The following PLEKHG1 variants were observed in gnomAD, a reference collection of about 807,000 sequenced individuals.
PLEKHG1 encodes pleckstrin homology domain-containing family G member 1.
PLEKHG1 carries 44 observed loss-of-function variants against 100.8 expected under a neutral mutation model. The observed-to-expected ratio is 0.44, with a 90% CI of 0.34 to 0.56. PLEKHG1 has a LOEUF of 0.56. PLEKHG1 is among the 20% of genes least tolerant of loss of function. PLEKHG1 has a pLI of 0.01. For synonymous variants in PLEKHG1, 640 were observed against 662.5 expected (o/e 0.97, Z 0.52); for missense variants, 1,545 against 1,720.9 (o/e 0.90, Z 1.81).
chr6:150,752,042 C>T (rs757398878), intron 2 of PLEKHG1, among the ~76,000 whole-genome samples: 3 of 151,970 alleles, frequency 2.0e-5, no homozygotes, highest in South Asian at 2.1e-4. Flanking sequence ...TACAGAAAGC[C>T]GGGCATGGTG....
chr6:150,690,115 T>C (rs1780291645), intron 3 of PLEKHG1, among the ~76,000 whole-genome samples: 1 of 152,226 alleles, frequency 6.6e-6, no homozygotes, highest in African/African-American at 2.4e-5. Flanking sequence ...TGGTGTTTAT[T>C]ACTGAGGGTG....
intron 13 of PLEKHG1, among the ~76,000 whole-genome samples, chr6:150,822,948 C>G (rs1227601430): frequency 6.6e-6 from 1 of 152,024 alleles, no homozygotes; most frequent in Non-Finnish European, 1.5e-5. Context: ...CCACTGCGCT[C>G]CAGCCTGGAT....
intron 3 of PLEKHG1, among the ~76,000 whole-genome samples, chr6:150,713,069 T>G (rs1200001543): frequency 6.6e-6 from 1 of 152,206 alleles, no homozygotes; most frequent in Non-Finnish European, 1.5e-5. Context: ...GCGCCCAGCA[T>G]GGGGCCTGAT....
At chr6:150,630,956 A>G (rs924079770) in intron 1 of PLEKHG1, among the ~76,000 whole-genome samples, 5 of 152,158 alleles carry the variant, frequency 3.3e-5, no homozygotes, top group African/African-American at 9.7e-5. Context: ...AGAGTCGATC[A>G]TTGGATTTTG....
chr6:150,743,451 G>A (rs576521881), intron 2 of PLEKHG1, among the ~76,000 whole-genome samples: 4 of 152,252 alleles, frequency 2.6e-5, no homozygotes, highest in South Asian at 2.1e-4. Flanking sequence ...ACTTGAGCCC[G>A]GGAGGTGGAG....
chr6:150,740,990 CTTA>C (rs1782826914), intron 2 of PLEKHG1, among the ~76,000 whole-genome samples: 1 of 152,092 alleles, frequency 6.6e-6, no homozygotes. Context: ...TTACCTTAAC[CTTA>C]CTCTCGTCTT....
At chr6:150,672,614 G>C (rs555704297) in intron 3 of PLEKHG1, among the ~76,000 whole-genome samples, 1 of 152,280 alleles carries the variant, frequency 6.6e-6, no homozygotes, top group African/African-American at 2.4e-5. Flanking sequence ...AAAATTAGTG[G>C]ATAATTAAAG....
intron 3 of PLEKHG1, among the ~76,000 whole-genome samples, chr6:150,680,773 A>G (rs1024467061): frequency 1.5e-4 from 23 of 152,214 alleles, no homozygotes; most frequent in Admixed American, 1.2e-3. Context: ...GAAGCGGGGA[A>G]GAGACTAGAT....
chr6:150,705,686 G>T (rs1343815503), intron 3 of PLEKHG1, among the ~76,000 whole-genome samples: 1 of 152,204 alleles, frequency 6.6e-6, no homozygotes, highest in Non-Finnish European at 1.5e-5. Context: ...AGGGGAAAAT[G>T]GTTGGTTTTG....
At chr6:150,621,293 CCT>C (rs1257464359) in intron 1 of PLEKHG1, among the ~76,000 whole-genome samples, 1 of 152,096 alleles carries the variant, frequency 6.6e-6, no homozygotes, top group African/African-American at 2.4e-5. Flanking sequence ...AAAGTCACAA[CCT>C]CTCTGAATAT....
intron 5 of PLEKHG1, among the ~76,000 whole-genome samples, chr6:150,798,928 A>T (rs1786529712): frequency 6.6e-6 from 1 of 152,048 alleles, no homozygotes; most frequent in Non-Finnish European, 1.5e-5. Flanking sequence ...TTTAGGAGAG[A>T]GGGGGTTTCA....
intron 13 of PLEKHG1, 43 bp downstream of exon 14, chr6:150,821,276 T>G: frequency 1.5e-6 from 2 of 1,296,890 alleles, no homozygotes; most frequent in Non-Finnish European, 2.2e-6. Flanking sequence ...CTTGTTGATA[T>G]TCACTAAATC....
At chr6:150,701,747 C>G (rs1780800792) in intron 3 of PLEKHG1, among the ~76,000 whole-genome samples, 1 of 151,248 alleles carries the variant, frequency 6.6e-6, no homozygotes, top group Non-Finnish European at 1.5e-5. Context: ...CATGTTGCAA[C>G]TTAAAAAACA....
intron 3 of PLEKHG1, among the ~76,000 whole-genome samples, chr6:150,689,521 T>C (rs572348154): frequency 2.6e-4 from 39 of 152,328 alleles, no homozygotes; most frequent in Middle Eastern, 3.4e-3. Context: ...AAATTTATCC[T>C]GAGATGGACA....
chr6:150,680,503 A>T (rs969562211), intron 3 of PLEKHG1, among the ~76,000 whole-genome samples: 2 of 152,216 alleles, frequency 1.3e-5, no homozygotes, highest in East Asian at 3.8e-4. Flanking sequence ...TCTGGTGCTC[A>T]GAAGTTTGGG....
chr6:150,713,312 A>C (rs1781305630), intron 3 of PLEKHG1, among the ~76,000 whole-genome samples: 1 of 152,138 alleles, frequency 6.6e-6, no homozygotes, highest in African/African-American at 2.4e-5. Flanking sequence ...AAGTCATCTC[A>C]ACTCATTTAG....
intron 6 of PLEKHG1, among the ~76,000 whole-genome samples, chr6:150,804,153 TTTTATATATATA>T (rs1328625667): frequency 3.1e-5 from 1 of 31,794 alleles, no homozygotes; most frequent in African/African-American, 2.1e-4. Context: ...TGTGTAAATA[TTTTATATATATA>T]TATATATATA....
intron 15 of PLEKHG1, among the ~76,000 whole-genome samples, chr6:150,836,605 T>C (rs1033902815): frequency 6.6e-6 from 1 of 151,966 alleles, no homozygotes; most frequent in African/African-American, 2.4e-5. Context: ...TTGCTTGAGC[T>C]CAGGAGTTTG....
At chr6:150,724,852 C>T (rs1023512961) in intron 1 of PLEKHG1, among the ~76,000 whole-genome samples, 11 of 152,182 alleles carry the variant, frequency 7.2e-5, no homozygotes, top group Non-Finnish European at 1.0e-4. Flanking sequence ...TGGGCCACCG[C>T]GCCTGGCCTA....
Sources: allele counts gnomAD v4.1 joint callset (sites outside exome capture counted in the v4.1 genomes callset), GRCh38; gene constraint gnomAD v4.1.1; transcripts MANE v1.5; gene names NCBI Gene and HGNC (gene_info 2026-07-23, HGNC 2026-07-21).